ZYG11A: variants seen among roughly 807,000 people sequenced by gnomAD.
The protein encoded by ZYG11A is zyg-11 family member A, cell cycle regulator.
In ZYG11A, 62 loss-of-function variants were observed where a neutral mutation model predicts 77.2. That is an observed-to-expected ratio of 0.80 (90% confidence interval 0.65 to 0.99). The LOEUF (loss-of-function observed/expected upper bound fraction) is 0.99. ZYG11A is among the 50% of genes least tolerant of loss of function. The pLI is 0.00. For missense variants in ZYG11A, 828 were observed against 896.8 expected (o/e 0.92, Z 0.98); for synonymous variants, 315 against 324.6 (o/e 0.97, Z 0.32).
intron 13 of ZYG11A, among the ~76,000 whole-genome samples, chr1:52,891,685 G>A (rs540921604): frequency 6.6e-6 from 1 of 151,760 alleles, no homozygotes; most frequent in African/African-American, 2.4e-5. Context: ...GCCCTTTGTG[G>A]GTCTACTTTT....
In ZYG11A at chr1:52,842,868, C is replaced by A. The variant is rs561586746; in HGVS notation, c.-16C>A. The A allele has an allele frequency of 1.3e-6, 2 of 1,528,450 alleles. No homozygotes were observed. Among genetic ancestry groups the A allele is most frequent in the Non-Finnish European group, 1.8e-6 (2 of 1,137,372 alleles). 94.7% of individuals were successfully genotyped at this position (1,528,450 alleles called of 1,614,324 possible). ...GACGCCGGCTCTCTTTTTGACGCCC[C>A]GCCGCCGGGGTTGCCATGGTTCATT... On this transcript the variant is annotated 5_prime_UTR_variant, in exon 1 of 14. Coordinates refer to ENST00000371528, the MANE Select transcript of ZYG11A (RefSeq NM_001004339.3).
chr1:52,854,425 A>C (rs1159943213), intron 1 of ZYG11A, 40 bp from the exon 2 acceptor site: 1 of 1,504,892 alleles, frequency 6.6e-7, no homozygotes, highest in Non-Finnish European at 9.0e-7. Context: ...ATTGTTGCAG[A>C]TGTATTCTAA....
At chr1:52,856,227 A>G (rs773813974) in intron 2 of ZYG11A, among the ~76,000 whole-genome samples, 3 of 152,116 alleles carry the variant, frequency 2.0e-5, no homozygotes, top group Non-Finnish European at 4.4e-5. Flanking sequence ...TTTACCTGGT[A>G]TGCCTCCCTA....
intron 2 of ZYG11A, among the ~76,000 whole-genome samples, chr1:52,855,268 C>T (rs1645789182): frequency 6.6e-6 from 1 of 151,682 alleles, no homozygotes. Context: ...AAGAACTCCA[C>T]TAAAAAAATA....
intron 3 of ZYG11A, among the ~76,000 whole-genome samples, chr1:52,859,212 G>C (rs1645875725): frequency 6.6e-6 from 1 of 152,062 alleles, no homozygotes; most frequent in Non-Finnish European, 1.5e-5. Flanking sequence ...CTGTCGCCCA[G>C]GCTGGAGTGC....
chr1:52,873,916 G>A (rs1408894392), intron 8 of ZYG11A, among the ~76,000 whole-genome samples: 1 of 151,868 alleles, frequency 6.6e-6, no homozygotes, highest in Non-Finnish European at 1.5e-5. Flanking sequence ...CCCAGGAGGT[G>A]GAGGTTGCAA....
chr1:52,860,620 C>A, intron 3 of ZYG11A, 111 bp from the exon 4 acceptor site: 1 of 1,185,828 alleles, frequency 8.4e-7, no homozygotes, highest in Non-Finnish European at 1.2e-6. Flanking sequence ...TTTAATTGAA[C>A]ATTTGTTGTT....
intron 11 of ZYG11A, among the ~76,000 whole-genome samples, chr1:52,884,950 C>G (rs1214119571): frequency 1.3e-5 from 2 of 151,694 alleles, no homozygotes; most frequent in African/African-American, 2.4e-5. Flanking sequence ...GTTGTCCAGG[C>G]TGGAGTGCAG....
chr1:52,879,428 C>G (rs1345051503), intron 10 of ZYG11A, among the ~76,000 whole-genome samples: 1 of 152,148 alleles, frequency 6.6e-6, no homozygotes, highest in South Asian at 2.1e-4. Context: ...CTTCGTGTAT[C>G]TCACACATAC....
Position 52,881,638 on chromosome 1 carries a change from C to A in ZYG11A, c.1917C>A (p.Phe639Leu), listed in dbSNP as rs1557455026. The A allele has an allele frequency of 6.4e-6, 10 of 1,552,156 alleles. No individual in the cohort carries two copies. Among genetic ancestry groups the A allele is most frequent in the Non-Finnish European group, 8.7e-6 (10 of 1,147,054 alleles). ...GACAGCTTTGGATATCCCGTGACTTCCAGAGGCGTACTCTTCTCCAAGATC... is the reference window on the plus strand; with the variant it reads ...GACAGCTTTGGATATCCCGTGACTTACAGAGGCGTACTCTTCTCCAAGATC... ...SDRQLWISRD[F>L]QRRTLLQDLH... is the part of the protein sequence containing the mutation. The change falls in exon 11 of 14, where the codon TTC becomes TTA. Residue 639 changes from phenylalanine (F) to leucine (L), a missense_variant. By Grantham distance (22) the Phe-to-Leu change is conservative. Coordinates refer to ENST00000371528, the MANE Select transcript of ZYG11A (RefSeq NM_001004339.3).
chr1:52,874,093 C>T (rs1470659992), intron 8 of ZYG11A, among the ~76,000 whole-genome samples: 1 of 84,104 alleles, frequency 1.2e-5, no homozygotes, highest in East Asian at 2.1e-4. Flanking sequence ...CTGCCACAGC[C>T]ACCCCATCCT....
intron 13 of ZYG11A, among the ~76,000 whole-genome samples, chr1:52,890,239 TTTTC>T (rs1646521133): frequency 6.7e-6 from 1 of 149,082 alleles, no homozygotes; most frequent in Middle Eastern, 3.4e-3. Flanking sequence ...GAGAAAAATA[TTTTC>T]TTTTAGTTTT....
intron 4 of ZYG11A, among the ~76,000 whole-genome samples, chr1:52,862,790 GTTCT>G (rs1438888355): frequency 2.0e-5 from 3 of 151,750 alleles, no homozygotes; most frequent in African/African-American, 7.3e-5. Context: ...TGTTTTTGTT[GTTCT>G]TTGAGACAGG....
chr1:52,892,896 A>G lies in ZYG11A; in HGVS notation c.2219A>G (p.Asp740Gly). Residue 740 changes from aspartate (D) to glycine (G), a missense_variant, in exon 14 of 14, where the codon GAT (aspartate) becomes GGT (glycine). Physicochemically the swap from Asp to Gly is moderately conservative, Grantham distance 94 (BLOSUM62 -1). Transcript: ENST00000371528. Reference protein sequence around the residue: ...KAQQIAASILDDFRMHFMNYQ... With the variant: ...KAQQIAASILGDFRMHFMNYQ... ...CAGCAGATTGCAGCCTCCATTCTGG[A>G]TGACTTCAGAATGCATTTCATGAAT... is the stretch of plus-strand genomic sequence containing the variant. 1.3e-6 allele frequency: 2 copies of G among 1,551,832 alleles called. No homozygotes were observed. Among genetic ancestry groups the G allele is most frequent in the Non-Finnish European group, 1.7e-6 (2 of 1,147,012 alleles).
intron 10 of ZYG11A, among the ~76,000 whole-genome samples, chr1:52,878,188 T>C (rs1646296433): frequency 6.6e-6 from 1 of 152,230 alleles, no homozygotes; most frequent in Non-Finnish European, 1.5e-5. Context: ...CCATTTAATT[T>C]ACTTATGAAT....
intron 4 of ZYG11A, among the ~76,000 whole-genome samples, chr1:52,861,706 T>A (rs923845479): frequency 1.4e-5 from 2 of 145,630 alleles, no homozygotes; most frequent in South Asian, 4.4e-4. Context: ...CAAAAAAAAA[T>A]ATTTTTACAG....
chr1:52,878,066 T>C (rs1646293785), intron 10 of ZYG11A, 97 bp downstream of exon 10: 1 of 1,000,964 alleles, frequency 1.0e-6, no homozygotes, highest in South Asian at 1.4e-5. Flanking sequence ...TGTAAGCAAT[T>C]TACATGTATA....
Position 52,864,704 on chromosome 1 carries a change from G to A in ZYG11A, c.1326+547G>A, listed in dbSNP as rs553049127. ...TTGTTGCCCAGGGTGGAGTGCAGTG[G>A]TATGATCTCGGCTCACCGCAACCTC... On this transcript the variant is annotated intron_variant, in intron 5 of 13. Coordinates refer to ENST00000371528, the MANE Select transcript of ZYG11A (RefSeq NM_001004339.3). Among the ~76,000 whole-genome samples, 11 of 151,986 alleles carry A rather than the reference G, an allele frequency of 7.2e-5. No homozygotes were observed. The South Asian group carries it at 2.3e-3, about 32-fold the overall frequency.
rs912731184 is a variant in ZYG11A at position 52,866,643 on chromosome 1, G to A, written c.1391+76G>A. 4 of 868,956 alleles carry A rather than the reference G, an allele frequency of 4.6e-6. No homozygotes were observed. In the African/African-American group the frequency reaches 5.1e-5, roughly 11 times the overall value. 53.8% of individuals were successfully genotyped at this position (868,956 alleles called of 1,614,324 possible). On this transcript the variant is annotated intron_variant, in intron 6 of 13. Coordinates refer to ENST00000371528, the MANE Select transcript of ZYG11A (RefSeq NM_001004339.3). Reference sequence around the variant, plus strand: ...AATGCAGAGGCCTGATTAAGGCTGGGATAAGGTGTTTGGAGAGAAGGTTCT... The same window carrying A: ...AATGCAGAGGCCTGATTAAGGCTGGAATAAGGTGTTTGGAGAGAAGGTTCT...
Sources: allele counts gnomAD v4.1 joint callset (sites outside exome capture counted in the v4.1 genomes callset), GRCh38; gene constraint gnomAD v4.1.1; transcripts MANE v1.5; gene names NCBI Gene and HGNC (gene_info 2026-07-23, HGNC 2026-07-21).